The following DTX2 variants were observed in gnomAD, a reference collection of about 807,000 sequenced individuals.
The protein encoded by DTX2 is probable E3 ubiquitin-protein ligase DTX2.
Under a neutral mutation model 55.3 loss-of-function variants are expected in DTX2, and 29 were observed. That is an observed-to-expected ratio of 0.52 (90% confidence interval 0.39 to 0.71). The LOEUF is 0.71. Ranked by LOEUF, DTX2 falls within the 30% of genes least tolerant of loss-of-function variation. DTX2 has a pLI of 0.00. For missense variants in DTX2, 537 were observed against 822.5 expected, an observed-to-expected ratio of 0.65 and a Z score of 4.25; for synonymous variants, 276 against 340.4, an observed-to-expected ratio of 0.81 and a Z score of 2.08.
chr7:76,503,884 C>A (rs1812026639), intron 9 of DTX2, among the ~76,000 whole-genome samples: 1 of 148,510 alleles, frequency 6.7e-6, no homozygotes, highest in African/African-American at 2.5e-5. Context: ...GAAGGGCAGG[C>A]AGTTCAGTGG....
At chr7:76,471,253 C>CCAGAAA (rs1156354831) in intron 2 of DTX2, among the ~76,000 whole-genome samples, 5 of 141,886 alleles carry the variant, frequency 3.5e-5, no homozygotes, top group Non-Finnish European at 6.0e-5. Context: ...ACTCCACTTC[C>CCAGAAA]TGGGTTCACG....
At chr7:76,486,846 G>GGCGGCGGCTGCT (rs1554636852) in intron 4 of DTX2, among the ~76,000 whole-genome samples, 1 of 79,836 alleles carries the variant, frequency 1.3e-5, no homozygotes, top group African/African-American at 5.6e-5. Flanking sequence ...TGTTGTGGTG[G>GGCGGCGGCTGCT]GCTGCTGCTG....
rs1424306245 is a variant in DTX2, at chr7:76,482,904, C to A, written c.665C>A (p.Pro222His). ...TACCGCCACTCCATGACCAACCTCCCTGCATACCCCGTCCCCCAGCACCCC... is the reference window on the plus strand; with the variant it reads ...TACCGCCACTCCATGACCAACCTCCATGCATACCCCGTCCCCCAGCACCCC... ...GRYRHSMTNL[P>H]AYPVPQHPPH... The change falls in exon 4 of 11, where the codon CCT becomes CAT. Residue 222 changes from proline to histidine, a missense_variant. By Grantham distance (77) the Pro-to-His change is moderately conservative (BLOSUM62 -2). Transcript: ENST00000430490. The A allele has an allele frequency of 3.1e-6, 5 of 1,613,760 alleles. No individual in the cohort carries two copies. Among genetic ancestry groups the A allele is most frequent in the Non-Finnish European group, 4.2e-6 (5 of 1,179,802 alleles).
chr7:76,504,961 C>T (rs544329584), intron 10 of DTX2, among the ~76,000 whole-genome samples: 1 of 151,024 alleles, frequency 6.6e-6, no homozygotes, highest in Admixed American at 6.6e-5. Flanking sequence ...TTTGGAAAAG[C>T]TCTGGCCGTG....
At position 76,505,471 on chromosome 7, in the gene DTX2, A is replaced by G. The variant is rs745488629; in HGVS notation, c.1739A>G (p.Glu580Gly). 6.2e-7 allele frequency: 1 copy of G among 1,608,782 alleles called. No individual in the cohort carries two copies. Among genetic ancestry groups the G allele is most frequent in the Non-Finnish European group, 8.5e-7 (1 of 1,177,868 alleles). ...GAGACGGACACCGTGGTATGGAACG[A>G]GATCCACCACAAGACAGAGATGGAC... ...TGETDTVVWN[E>G]IHHKTEMDRN... Residue 580 changes from glutamate (E) to glycine (G), a missense_variant, in exon 11 of 11, where the codon GAG (glutamate) becomes GGG (glycine). Coordinates refer to ENST00000430490, the MANE Select transcript of DTX2 (RefSeq NM_001102594.3). This position sits in a 1 kb window ranked among gnomAD's most constrained non-coding sequence, Gnocchi z 4.4.
At position 76,493,830 on chromosome 7, in the gene DTX2, T is replaced by C. The variant is rs1422602378; in HGVS notation, c.1009+1577T>C. ...GGGGGTTGTGAGGGGGGATTGGGGG[T>C]AGACTGAGGCCTGCTGGAGTGCAGC... On this transcript the variant is annotated intron_variant, in intron 5 of 10. Transcript: ENST00000430490. Among the ~76,000 whole-genome samples, 2 of 118,762 alleles carry C rather than the reference T, an allele frequency of 1.7e-5. 1 individual carries two copies. The highest frequency in any genetic ancestry group is 1.8e-4 in the Admixed American group (2 of 11,304). The allele number at this position is 118,762 out of a possible 152,430, so 77.9% of individuals were successfully genotyped here. A position where few individuals can be genotyped will look rare whatever the true frequency, so the allele number is the denominator to read the frequency against.
intron 2 of DTX2, among the ~76,000 whole-genome samples, chr7:76,471,316 C>T (rs1278556107): frequency 7.4e-5 from 11 of 147,702 alleles, no homozygotes; most frequent in Non-Finnish European, 8.9e-5. Flanking sequence ...CACCCGCCAC[C>T]GCGCCCGGCT....
At chr7:76,469,045 G>A (rs1286654322) in intron 2 of DTX2, among the ~76,000 whole-genome samples, 2 of 123,944 alleles carry the variant, frequency 1.6e-5, no homozygotes, top group African/African-American at 3.1e-5. Flanking sequence ...GATTACAGGC[G>A]TGAGCTACCG....
At chr7:76,493,755 T>G in intron 5 of DTX2, among the ~76,000 whole-genome samples, 1 of 118,558 alleles carries the variant, frequency 8.4e-6, no homozygotes, top group Non-Finnish European at 1.8e-5. Flanking sequence ...GGCAGTGGAG[T>G]GGAGGGGGAG....
intron 2 of DTX2, among the ~76,000 whole-genome samples, chr7:76,478,557 C>T (rs1808802130): frequency 6.7e-6 from 1 of 148,496 alleles, no homozygotes. Flanking sequence ...GGACTATTGG[C>T]ATGCACCTCC....
At chr7:76,468,103 G>A (rs1448790948) in intron 2 of DTX2, among the ~76,000 whole-genome samples, 3 of 152,306 alleles carry the variant, frequency 2.0e-5, no homozygotes, top group East Asian at 1.9e-4. Flanking sequence ...GGAGGCCAGG[G>A]CCTGATTCCC....
chr7:76,482,194 T>C (rs1809308904), intron 3 of DTX2, among the ~76,000 whole-genome samples: 1 of 150,430 alleles, frequency 6.6e-6, no homozygotes, highest in Admixed American at 6.6e-5. Flanking sequence ...GCAGGTGTTG[T>C]AGAGGTCGAT....
At chr7:76,472,969 C>G (rs1045955401) in intron 2 of DTX2, among the ~76,000 whole-genome samples, 2 of 152,010 alleles carry the variant, frequency 1.3e-5, no homozygotes, top group Admixed American at 6.6e-5. Flanking sequence ...CCTCTTGATA[C>G]ATATATTACC....
chr7:76,498,616 G>A (rs372457239), intron 6 of DTX2, among the ~76,000 whole-genome samples: 9,262 of 102,812 alleles, frequency 0.09, 37 homozygotes, highest in Middle Eastern at 0.14. Context: ...GGGCAGAGGC[G>A]AGGCCCAGGC....
At chr7:76,499,330 G>A (rs1314986483) in intron 6 of DTX2, among the ~76,000 whole-genome samples, 1 of 135,660 alleles carries the variant, frequency 7.4e-6, no homozygotes, top group Non-Finnish European at 1.6e-5. Context: ...CACAGCAAGA[G>A]AACTAGAATT....
At chr7:76,501,446 C>G (rs1052105822) in intron 7 of DTX2, among the ~76,000 whole-genome samples, 16 of 151,612 alleles carry the variant, frequency 1.1e-4, no homozygotes, top group Admixed American at 9.2e-4. Context: ...CCAGGCTCCT[C>G]CTCTCCAAGC....
At chr7:76,498,355 C>T (rs934007732) in intron 6 of DTX2, among the ~76,000 whole-genome samples, 1 of 151,576 alleles carries the variant, frequency 6.6e-6, no homozygotes, top group African/African-American at 2.4e-5. Context: ...CGAGCTCCTG[C>T]CCCCAGCCCA....
intron 5 of DTX2, among the ~76,000 whole-genome samples, chr7:76,495,671 C>T (rs1412468850): frequency 1.3e-5 from 2 of 150,102 alleles, no homozygotes; most frequent in African/African-American, 2.5e-5. Context: ...TCAGGCACTG[C>T]CCCAGCGGGG....
rs1399494532 is a variant in DTX2, at chr7:76,482,585, A to G, written c.346A>G (p.Ser116Gly). The change falls in exon 4 of 11, where the codon AGC (serine) becomes GGC (glycine). Residue 116 changes from serine (S) to glycine (G), a missense_variant. Physicochemically the swap from Ser to Gly is moderately conservative, Grantham distance 56. Around this residue, in one of 7 missense-constraint regions of DTX2, gnomAD observed 301 missense variants for 396.6 expected, o/e 0.76. Transcript: ENST00000430490. ...PGRGVVWEWL[S>G]DDGSWTAYEA... ...CCGAGGTGTCGTCTGGGAGTGGCTG[A>G]GCGACGATGGCTCCTGGACTGCCTA... 1 of 1,613,532 alleles carries G rather than the reference A, an allele frequency of 6.2e-7. No homozygotes were observed. Among genetic ancestry groups the G allele is most frequent in the South Asian group, 1.1e-5 (1 of 91,062 alleles).
Sources: gnomAD v4.1 joint callset for allele counts (sites outside exome capture counted in the v4.1 genomes callset) on GRCh38, gnomAD v4.1.1 for gene constraint, gnomAD v4.1.1 regional missense constraint, Gnocchi (gnomAD v3.1) non-coding constraint, MANE v1.5 for transcripts, NCBI Gene and HGNC (gene_info 2026-07-23, HGNC 2026-07-21) for gene names.